The following MIOS variants were observed in gnomAD, a reference collection of about 807,000 sequenced individuals.
The protein encoded by MIOS is GATOR2 complex protein MIOS.
In MIOS, 52 loss-of-function variants were observed where a neutral mutation model predicts 96.9. The observed-to-expected ratio is 0.54, with a 90% CI of 0.43 to 0.68. MIOS has a LOEUF of 0.68. MIOS is among the 30% of genes least tolerant of loss of function. The probability of loss-of-function intolerance (pLI) is 0.00; values close to 1 mark genes in which losing one functional copy is unlikely to be tolerated. For missense variants in MIOS, 1,005 were observed against 1,052.8 expected, an observed-to-expected ratio of 0.95 and a Z score of 0.63; for synonymous variants, 397 against 359.5, an observed-to-expected ratio of 1.10 and a Z score of -1.18.
At chr7:7,588,628 C>T in intron 8 of MIOS, 65 bp downstream of exon 8, 1 of 1,044,836 alleles carries the variant, frequency 9.6e-7, no homozygotes, top group Non-Finnish European at 1.4e-6. Context: ...ATGTAAGAAA[C>T]TAGTCTTTAT....
At chr7:7,592,573 G>A (rs1475688664) in intron 9 of MIOS, among the ~76,000 whole-genome samples, 1 of 151,976 alleles carries the variant, frequency 6.6e-6, no homozygotes, top group Non-Finnish European at 1.5e-5. Context: ...TGTAGAATCA[G>A]TGGGAGCTCT....
chr7:7,571,087 G>A (rs1046991313), intron 3 of MIOS, among the ~76,000 whole-genome samples: 9 of 152,198 alleles, frequency 5.9e-5, no homozygotes, highest in African/African-American at 2.2e-4. Context: ...AGGATAGAGA[G>A]GTAAGTGAAC....
At chr7:7,583,398 A>T in intron 6 of MIOS, 26 bp downstream of exon 6, 1 of 1,537,186 alleles carries the variant, frequency 6.5e-7, no homozygotes, top group Non-Finnish European at 8.8e-7. Flanking sequence ...CTAAGATATT[A>T]GTTATAATCT....
At position 7,595,037 on chromosome 7, in the gene MIOS, A is replaced by G; in HGVS notation, c.2101A>G (p.Arg701Gly). The G allele has an allele frequency of 6.2e-7, 1 of 1,613,890 alleles. No individual in the cohort carries two copies. The highest frequency in any genetic ancestry group is 2.2e-5 in the East Asian group (1 of 44,860). Residue 701 changes from arginine (R) to glycine (G), a missense_variant, in exon 10 of 13, where the codon AGA becomes GGA. Arg to Gly is a moderately radical substitution (Grantham distance 125). Coordinates refer to ENST00000340080, the MANE Select transcript of MIOS (RefSeq NM_019005.4). ...ERVQYWIENY[R>G]NLLDAWRFWH... ...GGTTCAGTACTGGATTGAGAATTAT[A>G]GAAATTTATTAGATGCCTGGAGGTT...
intron 7 of MIOS, among the ~76,000 whole-genome samples, 161 bp downstream of exon 7, chr7:7,585,966 T>C (rs572894821): frequency 3.0e-4 from 45 of 152,272 alleles, no homozygotes; most frequent in Non-Finnish European, 5.6e-4. Context: ...GCAGCTCTTC[T>C]TGAGTGTGAT....
intron 11 of MIOS, among the ~76,000 whole-genome samples, chr7:7,597,182 C>A (rs961068418): frequency 5.3e-5 from 8 of 151,588 alleles, no homozygotes; most frequent in Admixed American, 3.9e-4. Flanking sequence ...AAAAATTAGC[C>A]GGGCGTGGTG....
At chr7:7,593,281 G>T (rs1413703880) in intron 9 of MIOS, among the ~76,000 whole-genome samples, 1 of 152,100 alleles carries the variant, frequency 6.6e-6, no homozygotes, top group Non-Finnish European at 1.5e-5. Context: ...TAAGCTATGT[G>T]TTTCACATGT....
At chr7:7,589,163 A>T (rs563527938) in intron 8 of MIOS, among the ~76,000 whole-genome samples, 1 of 152,284 alleles carries the variant, frequency 6.6e-6, no homozygotes, top group South Asian at 2.1e-4. Flanking sequence ...AACCATCTAT[A>T]GTTCTTTTAT....
At chr7:7,584,735 A>C (rs752693334) in intron 6 of MIOS, among the ~76,000 whole-genome samples, 3 of 152,172 alleles carry the variant, frequency 2.0e-5, no homozygotes, top group Non-Finnish European at 2.9e-5. Flanking sequence ...AACTTATATA[A>C]TAAGTGTAGA....
intron 9 of MIOS, among the ~76,000 whole-genome samples, chr7:7,590,242 C>T (rs764622158): frequency 1.3e-5 from 2 of 152,074 alleles, no homozygotes; most frequent in African/African-American, 4.8e-5. Context: ...GGAAAATGCC[C>T]CCTCTCCCAC....
At chr7:7,588,429 T>A in intron 7 of MIOS, 69 bp from the exon 8 acceptor site, 1 of 859,244 alleles carries the variant, frequency 1.2e-6, no homozygotes, top group Admixed American at 2.6e-5. Flanking sequence ...ATATAAAACA[T>A]TCAGTCTCTG....
chr7:7,595,248 T>G, intron 10 of MIOS, 116 bp downstream of exon 10: 9 of 1,130,140 alleles, frequency 8.0e-6, no homozygotes, highest in Non-Finnish European at 1.1e-5. Flanking sequence ...CTTTGTCTTT[T>G]GTAGACTGAA....
In MIOS at chr7:7,568,024, A is replaced by G. The variant is rs1456095217; in HGVS notation, c.-138-2A>G. On this transcript the variant is annotated splice_acceptor_variant, in intron 2 of 12. Coordinates refer to ENST00000340080, the MANE Select transcript of MIOS (RefSeq NM_019005.4). LOFTEE classifies it low-confidence loss of function (5UTR_SPLICE). ...GGCTCACACTGTATTTCTTTTGGAC[A>G]GTGCTGTTGCAAATATTCTGGTGAA... 6.6e-6 allele frequency: 1 copy of G among 152,244 alleles called. No individual in the cohort carries two copies. The highest frequency in any genetic ancestry group is 2.4e-5 in the African/African-American group (1 of 41,464). The allele number at this position is 152,244 out of a possible 1,614,324, so 9.4% of individuals were successfully genotyped here.
chr7:7,605,309 T>G (rs956038226), intron 11 of MIOS: 1 of 151,918 alleles, frequency 6.6e-6, no homozygotes, highest in Admixed American at 6.6e-5. Flanking sequence ...TTTTTTTTTT[T>G]TTTGAGACAA....
chr7:7,579,447 A>G (rs926694257), intron 5 of MIOS, among the ~76,000 whole-genome samples: 3 of 152,202 alleles, frequency 2.0e-5, no homozygotes, highest in South Asian at 2.1e-4. Context: ...TGGTGGCCCC[A>G]TAAGATTTAA....
chr7:7,601,381 A>C (rs1296352857), intron 11 of MIOS, among the ~76,000 whole-genome samples: 3 of 152,180 alleles, frequency 2.0e-5, no homozygotes, highest in East Asian at 3.8e-4. Context: ...AAAAAATGAC[A>C]AAGGGGATAT....
At chr7:7,569,382 A>C (rs1783268796) in intron 3 of MIOS, among the ~76,000 whole-genome samples, 1 of 152,190 alleles carries the variant, frequency 6.6e-6, no homozygotes, top group Non-Finnish European at 1.5e-5. Flanking sequence ...CCATGCCTAG[A>C]ACATAGAAGG....
chr7:7,569,797 A>G (rs763525746), intron 3 of MIOS, among the ~76,000 whole-genome samples: 1 of 152,234 alleles, frequency 6.6e-6, no homozygotes, highest in Non-Finnish European at 1.5e-5. Flanking sequence ...TTGAGCAGGT[A>G]TTAACTTGGC....
At chr7:7,567,429 C>T (rs780779448) in intron 1 of MIOS, 178 bp from the exon 2 acceptor site, 1 of 152,132 alleles carries the variant, frequency 6.6e-6, no homozygotes, top group African/African-American at 2.4e-5. Context: ...TAGCAACGTG[C>T]CCTGTTCCCG....
Sources: allele counts gnomAD v4.1 joint callset (sites outside exome capture counted in the v4.1 genomes callset), GRCh38; gene constraint gnomAD v4.1.1; transcripts MANE v1.5; gene names NCBI Gene and HGNC (gene_info 2026-07-23, HGNC 2026-07-21).